Variants in MBP observed in about 807,000 individuals in gnomAD.
The protein encoded by MBP is myelin basic protein.
Under a neutral mutation model 35.8 loss-of-function variants are expected in MBP, and 16 were observed. The ratio of observed to expected loss-of-function variants is 0.45; its 90% confidence interval spans 0.30 to 0.68. The LOEUF (loss-of-function observed/expected upper bound fraction) is 0.68. Ranked by LOEUF, MBP falls within the 30% of genes least tolerant of loss-of-function variation. The probability of loss-of-function intolerance (pLI) is 0.08; values close to 1 mark genes in which losing one functional copy is unlikely to be tolerated. For synonymous variants in MBP, 143 were observed against 159.6 expected, an observed-to-expected ratio of 0.90 and a Z score of 0.78; for missense variants, 380 against 404.7, an observed-to-expected ratio of 0.94 and a Z score of 0.52.
intron 4 of MBP, among the ~76,000 whole-genome samples, chr18:76,994,700 C>T (rs964259832): frequency 3.9e-5 from 6 of 152,132 alleles, no homozygotes; most frequent in South Asian, 4.2e-4. Context: ...GAGCTATTAT[C>T]GGGGGTCAGA....
intron 1 of MBP, among the ~76,000 whole-genome samples, chr18:77,129,732 C>T (rs1374749540): frequency 6.6e-6 from 1 of 152,068 alleles, no homozygotes; most frequent in Non-Finnish European, 1.5e-5. Context: ...TTAAAATTAT[C>T]CCAAGAGTAA....
intron 2 of MBP, among the ~76,000 whole-genome samples, chr18:77,073,150 G>A (rs1208708528): frequency 6.6e-6 from 1 of 152,150 alleles, no homozygotes; most frequent in East Asian, 1.9e-4. Flanking sequence ...AAGATATCAG[G>A]TAGAGGTTAA....
At position 76,989,948 on chromosome 18, in the gene MBP, T is replaced by A; in HGVS notation, c.681+8A>T. 1 of 1,607,698 alleles carries A rather than the reference T, an allele frequency of 6.2e-7. No homozygotes were observed. Among genetic ancestry groups the A allele is most frequent in the Non-Finnish European group, 8.5e-7 (1 of 1,175,942 alleles). On this transcript the variant is annotated splice_region_variant and intron_variant, in intron 5 of 8. Transcript: ENST00000355994. The surrounding 1 kb of genome is among the most constrained non-coding windows in gnomAD (Gnocchi z 4.0). ...AGTTGCTACCTCTTCCCATCGATCG[T>A]CACTTACAATGTTCTTGAAGAAGTG...
intron 3 of MBP, among the ~76,000 whole-genome samples, chr18:77,051,162 G>A (rs1973473080): frequency 6.6e-6 from 1 of 152,112 alleles, no homozygotes; most frequent in South Asian, 2.1e-4. Context: ...ACAGCCTTCC[G>A]GTGTAAATTT....
intron 3 of MBP, among the ~76,000 whole-genome samples, chr18:77,029,004 G>GAT (rs1568301705): frequency 9.2e-6 from 1 of 108,112 alleles, no homozygotes; most frequent in Non-Finnish European, 2.4e-5. Flanking sequence ...CTTCCCAGAC[G>GAT]GGGTGGCGGC....
chr18:77,014,756 C>T lies in MBP; in HGVS notation c.576+2076G>A, dbSNP rs8083543. On this transcript the variant is annotated intron_variant, in intron 4 of 8. Transcript: ENST00000355994. ...ATCACATCCCCACTGCGTGCGCTCC[C>T]CCGGGATGCCTCACAGCTGCTCTGT... The T allele has an allele frequency of 3.3e-3, 3,293 of 985,278 alleles. 81 individuals are homozygous for T. The African/African-American group carries it at 0.053, about 16-fold the overall frequency. The allele number at this position is 985,278 out of a possible 1,614,324, so 61.0% of individuals were successfully genotyped here.
chr18:77,058,997 G>C (rs1973854324), intron 3 of MBP, among the ~76,000 whole-genome samples: 1 of 83,140 alleles, frequency 1.2e-5, no homozygotes, highest in Non-Finnish European at 2.4e-5. Context: ...GCTGCCCCAA[G>C]ATGGAAGCGT....
intron 2 of MBP, among the ~76,000 whole-genome samples, chr18:77,084,564 C>T (rs963910129): frequency 5.3e-5 from 8 of 152,108 alleles, no homozygotes; most frequent in Non-Finnish European, 8.8e-5. Context: ...ATCATTATGT[C>T]AGAACAATGT....
chr18:77,066,295 T>C lies in MBP; in HGVS notation c.139+3A>G. 2 of 1,612,630 alleles carry C rather than the reference T, an allele frequency of 1.2e-6. No individual in the cohort carries two copies. The highest frequency in any genetic ancestry group is 1.7e-6 in the Non-Finnish European group (2 of 1,178,946). On this transcript the variant is annotated splice_donor_region_variant and intron_variant, in intron 3 of 8. Transcript: ENST00000355994. The stretch of plus-strand genomic sequence containing the variant: ...CCATGTTGCCGATATCTGCGTCACC[T>C]ACCGAACACTTCGTTGTCCTCTGAG...
chr18:77,052,449 C>T (rs1342770575), intron 3 of MBP, among the ~76,000 whole-genome samples: 1 of 152,196 alleles, frequency 6.6e-6, no homozygotes, highest in Non-Finnish European at 1.5e-5. Context: ...CCCATCCCAG[C>T]TGCTATTTGT....
chr18:77,018,757 CA>C, intron 3 of MBP, among the ~76,000 whole-genome samples: 1 of 125,518 alleles, frequency 8.0e-6, no homozygotes, highest in African/African-American at 3.2e-5. Flanking sequence ...CTCATCCATC[CA>C]TCCATCCATC....
At chr18:77,082,684 C>T (rs577367847) in intron 2 of MBP, among the ~76,000 whole-genome samples, 3 of 48,362 alleles carry the variant, frequency 6.2e-5, no homozygotes, top group African/African-American at 1.8e-4. Context: ...TTCCTCCCTG[C>T]AGCAGCTGGA....
intron 3 of MBP, among the ~76,000 whole-genome samples, chr18:77,063,579 C>T (rs7226491): frequency 0.054 from 8,250 of 152,264 alleles, 464 homozygotes; most frequent in African/African-American, 0.14. Flanking sequence ...GGCAGATATG[C>T]GAGCCTTGCT....
chr18:77,065,319 G>C (rs1378014647), intron 3 of MBP, among the ~76,000 whole-genome samples: 1 of 152,094 alleles, frequency 6.6e-6, no homozygotes. Context: ...ATTAAGAGTT[G>C]GCTCAGGCCT....
chr18:77,018,612 T>TCATCCATC (rs58567064), intron 3 of MBP, among the ~76,000 whole-genome samples: 26,630 of 110,714 alleles, frequency 0.24, 4,475 homozygotes, highest in Non-Finnish European at 0.32. Flanking sequence ...ATCTATCCAC[T>TCATCCATC]CATCCATCCA....
At chr18:77,079,745 T>C (rs116973543) in intron 2 of MBP, among the ~76,000 whole-genome samples, 2 of 152,376 alleles carry the variant, frequency 1.3e-5, no homozygotes, top group East Asian at 3.9e-4. Flanking sequence ...CTCTCTCGCT[T>C]TCTCTAGTTC....
chr18:77,017,065 C>T lies in MBP; in HGVS notation c.343G>A (p.Asp115Asn). The T allele has an allele frequency of 6.2e-7, 1 of 1,612,724 alleles. No homozygotes were observed. The highest frequency in any genetic ancestry group is 8.5e-7 in the Non-Finnish European group (1 of 1,178,896). The change falls in exon 4 of 9, where the codon GAC (aspartate) becomes AAC (asparagine). Residue 115 changes from aspartate (D) to asparagine (N), a missense_variant. Physicochemically the swap from Asp to Asn is conservative, Grantham distance 23. Transcript: ENST00000355994. ...NTFKDRPSESDELQTIQEDSA... is the reference protein window; with the variant it reads ...NTFKDRPSESNELQTIQEDSA... ...TCTTCTTGGATGGTCTGGAGCTCGT[C>T]GGACTCAGAGGGCCTGTCTTTGAAG...
intron 2 of MBP, among the ~76,000 whole-genome samples, chr18:77,077,176 C>T (rs1974689282): frequency 6.6e-6 from 1 of 151,794 alleles, no homozygotes; most frequent in Non-Finnish European, 1.5e-5. Flanking sequence ...GCCTGGCCAA[C>T]ATGGTGAAAC....
In MBP at chr18:76,988,935, G is replaced by C; in HGVS notation, c.682-23C>G. 6.2e-7 allele frequency: 1 copy of C among 1,612,896 alleles called. No homozygotes were observed. Among genetic ancestry groups the C allele is most frequent in the Non-Finnish European group, 8.5e-7 (1 of 1,178,854 alleles). Reference sequence around the variant, plus strand: ...CACCTGGAAAGACACAGAGAACCGTGGGCTGCACTGGGAGCCCTGTGCCGC... The same window carrying C: ...CACCTGGAAAGACACAGAGAACCGTCGGCTGCACTGGGAGCCCTGTGCCGC... On this transcript the variant is annotated intron_variant, in intron 5 of 8. Coordinates refer to ENST00000355994, the MANE Select transcript of MBP (RefSeq NM_001025101.2). The surrounding 1 kb of genome is among the most constrained non-coding windows in gnomAD (Gnocchi z 5.2).
Sources: gnomAD v4.1 joint callset for allele counts (sites outside exome capture counted in the v4.1 genomes callset) on GRCh38, gnomAD v4.1.1 for gene constraint, Gnocchi (gnomAD v3.1) non-coding constraint, MANE v1.5 for transcripts, NCBI Gene and HGNC (gene_info 2026-07-23, HGNC 2026-07-21) for gene names.